Variants in PPFIA2 observed in about 807,000 individuals in gnomAD.
The protein encoded by PPFIA2 is PPFI scaffold protein A2.
Under a neutral mutation model 175.5 loss-of-function variants are expected in PPFIA2, and 46 were observed. That is an observed-to-expected ratio of 0.26 (90% confidence interval 0.21 to 0.34). The LOEUF (loss-of-function observed/expected upper bound fraction) is 0.34, where lower values mean the gene tolerates loss of function less well. PPFIA2 is among the 10% of genes least tolerant of loss of function. The pLI, the probability that PPFIA2 is intolerant of heterozygous loss-of-function variation, is 1.00. For synonymous variants in PPFIA2, 568 were observed against 511.4 expected (o/e 1.11, Z -1.49); for missense variants, 1,179 against 1,506.1 (o/e 0.78, Z 3.60).
intron 8 of PPFIA2, among the ~76,000 whole-genome samples, chr12:81,395,097 T>C (rs1027138286): frequency 1.3e-5 from 2 of 152,064 alleles, no homozygotes; most frequent in Admixed American, 6.6e-5. Context: ...ACCAAGAGTA[T>C]AGCAAACTCT....
chr12:81,316,543 ATATCT>A (rs1048208591), intron 22 of PPFIA2, among the ~76,000 whole-genome samples: 37 of 151,364 alleles, frequency 2.4e-4, no homozygotes, highest in African/African-American at 8.5e-4. Flanking sequence ...TCACATTATT[ATATCT>A]TATATCAAAC....
At chr12:81,307,241 G>A (rs1185306569) in intron 22 of PPFIA2, among the ~76,000 whole-genome samples, 4 of 152,078 alleles carry the variant, frequency 2.6e-5, no homozygotes, top group East Asian at 1.9e-4. Context: ...CCATGTGCCC[G>A]CAGCCTCATC....
At chr12:81,755,171 TG>T (rs2084448679) in intron 2 of PPFIA2, among the ~76,000 whole-genome samples, 1 of 152,200 alleles carries the variant, frequency 6.6e-6, no homozygotes, top group South Asian at 2.1e-4. Context: ...ATAAACGAAC[TG>T]TTTTCAGAAT....
chr12:81,591,899 C>T (rs2058718437), intron 4 of PPFIA2, among the ~76,000 whole-genome samples: 1 of 152,006 alleles, frequency 6.6e-6, no homozygotes, highest in African/African-American at 2.4e-5. Flanking sequence ...CATTGCTTGC[C>T]TCCAGACCCC....
intron 3 of PPFIA2, among the ~76,000 whole-genome samples, chr12:81,745,715 C>T (rs2082949407): frequency 6.6e-6 from 1 of 152,166 alleles, no homozygotes; most frequent in Non-Finnish European, 1.5e-5. Flanking sequence ...TTTTTCTTGA[C>T]CTTGGAGAAC....
intron 5 of PPFIA2, among the ~76,000 whole-genome samples, chr12:81,455,178 T>C (rs2145706846): frequency 6.6e-6 from 1 of 152,304 alleles, no homozygotes; most frequent in Middle Eastern, 3.4e-3. Context: ...ATAAAATCTA[T>C]AAAAATGGTT....
chr12:81,644,000 T>G (rs920344821), intron 4 of PPFIA2, among the ~76,000 whole-genome samples: 9 of 151,992 alleles, frequency 5.9e-5, no homozygotes, highest in Admixed American at 3.9e-4. Flanking sequence ...GGGAAACATT[T>G]AAAAGAACCA....
At chr12:81,653,956 AAATATAGT>A (rs1361879442) in intron 4 of PPFIA2, among the ~76,000 whole-genome samples, 9 of 152,226 alleles carry the variant, frequency 5.9e-5, no homozygotes, top group African/African-American at 1.9e-4. Flanking sequence ...GTAAACATAT[AAATATAGT>A]AATATGTGCG....
intron 3 of PPFIA2, among the ~76,000 whole-genome samples, chr12:81,739,014 G>A (rs568241313): frequency 1.4e-4 from 22 of 151,948 alleles, no homozygotes; most frequent in African/African-American, 5.3e-4. Context: ...ACTTCATGAT[G>A]ATAAAAGGCT....
chr12:81,519,325 T>C (rs1190899041), intron 4 of PPFIA2, among the ~76,000 whole-genome samples: 2 of 152,218 alleles, frequency 1.3e-5, no homozygotes, highest in African/African-American at 4.8e-5. Flanking sequence ...TTAAAAGACT[T>C]GAAAATACTT....
chr12:81,260,366 C>G (rs1406686539), intron 32 of PPFIA2: 1 of 152,144 alleles, frequency 6.6e-6, no homozygotes, highest in African/African-American at 2.4e-5. Context: ...AATAGAGTAA[C>G]TCTACCCATC....
intron 3 of PPFIA2, among the ~76,000 whole-genome samples, chr12:81,739,206 T>C (rs1198675382): frequency 6.6e-6 from 1 of 152,042 alleles, no homozygotes; most frequent in African/African-American, 2.4e-5. Context: ...TGAAGTTACA[T>C]TTTTAAAAAA....
chr12:81,314,811 T>C (rs897554041), intron 22 of PPFIA2, among the ~76,000 whole-genome samples: 5 of 151,986 alleles, frequency 3.3e-5, no homozygotes, highest in African/African-American at 1.2e-4. Flanking sequence ...AATTAGTTAT[T>C]AACATCAAAT....
At chr12:81,323,942 T>A (rs976747745) in intron 22 of PPFIA2, among the ~76,000 whole-genome samples, 1 of 152,090 alleles carries the variant, frequency 6.6e-6, no homozygotes, top group African/African-American at 2.4e-5. Flanking sequence ...ACTTGCCTTG[T>A]TAAATCCATT....
chr12:81,492,800 T>C (rs1014890445), intron 4 of PPFIA2, among the ~76,000 whole-genome samples: 3 of 152,008 alleles, frequency 2.0e-5, no homozygotes, highest in Non-Finnish European at 2.9e-5. Context: ...ATAAATGTAA[T>C]CCTTTCAGCT....
intron 4 of PPFIA2, among the ~76,000 whole-genome samples, chr12:81,466,453 G>A (rs2055639620): frequency 6.6e-6 from 1 of 152,104 alleles, no homozygotes; most frequent in African/African-American, 2.4e-5. Flanking sequence ...AAAAGTGGAT[G>A]TTTGTGGAAA....
At chr12:81,677,108 C>T (rs2072680432) in intron 3 of PPFIA2, among the ~76,000 whole-genome samples, 1 of 151,710 alleles carries the variant, frequency 6.6e-6, no homozygotes, top group African/African-American at 2.4e-5. Context: ...CTTTGAAGAG[C>T]TGAAGTGAGA....
At chr12:81,320,412 G>A (rs1276965955) in intron 22 of PPFIA2, among the ~76,000 whole-genome samples, 2 of 151,822 alleles carry the variant, frequency 1.3e-5, no homozygotes, top group African/African-American at 4.8e-5. Context: ...AGCTGAGTCG[G>A]GGTGTTAATT....
chr12:81,340,276 C>T (rs919800410), intron 20 of PPFIA2, among the ~76,000 whole-genome samples: 5 of 151,960 alleles, frequency 3.3e-5, no homozygotes, highest in Non-Finnish European at 7.4e-5. Context: ...ACAGAAAGCC[C>T]TACTTTTAAA....
Sources: allele counts gnomAD v4.1 joint callset (sites outside exome capture counted in the v4.1 genomes callset), GRCh38; gene constraint gnomAD v4.1.1; transcripts MANE v1.5; gene names NCBI Gene and HGNC (gene_info 2026-07-23, HGNC 2026-07-21).